The following ZDHHC14 variants were observed in gnomAD, a reference collection of about 807,000 sequenced individuals.
ZDHHC14 encodes zDHHC palmitoyltransferase 14, also known as palmitoyltransferase ZDHHC14.
Under a neutral mutation model 47.7 loss-of-function variants are expected in ZDHHC14, and 16 were observed. The ratio of observed to expected loss-of-function variants is 0.34; its 90% CI spans 0.23 to 0.51. The LOEUF is 0.51. ZDHHC14 is among the 20% of genes least tolerant of loss of function. The pLI is 0.97. For missense variants in ZDHHC14, 515 were observed against 662.5 expected (o/e 0.78, Z 2.44); for synonymous variants, 293 against 278.9 (o/e 1.05, Z -0.50).
In ZDHHC14 at chr6:157,463,002, T is replaced by C. The variant is rs144131068; in HGVS notation, c.246-79583T>C. Reference sequence around the variant, plus strand: ...ACCAATAAAATTTCCTAAAAGTGCATAAAGATAATTGTAGCTAGGAGTCAG... The same window carrying C: ...ACCAATAAAATTTCCTAAAAGTGCACAAAGATAATTGTAGCTAGGAGTCAG... On this transcript the variant is annotated intron_variant, in intron 1 of 8. Transcript: ENST00000359775. The surrounding 1 kb of genome is among the most constrained non-coding windows in gnomAD (Gnocchi z 4.4). 8.4e-3 allele frequency among the ~76,000 whole-genome samples: 1,280 copies of C among 152,306 alleles called. 6 individuals carry two copies. Among genetic ancestry groups the C allele is most frequent in the Middle Eastern group, 0.027 (8 of 294 alleles).
intron 1 of ZDHHC14, among the ~76,000 whole-genome samples, chr6:157,416,446 T>G (rs1777972944): frequency 6.6e-6 from 1 of 151,852 alleles, no homozygotes; most frequent in Non-Finnish European, 1.5e-5. Context: ...GAGGATTGCT[T>G]AAGTTCAAGA....
At chr6:157,635,943 T>C (rs1776950994) in intron 5 of ZDHHC14, among the ~76,000 whole-genome samples, 1 of 152,206 alleles carries the variant, frequency 6.6e-6, no homozygotes, top group African/African-American at 2.4e-5. Flanking sequence ...AGCCGCTGCC[T>C]TTCCAAATAG....
At chr6:157,429,017 T>A (rs1161219798) in intron 1 of ZDHHC14, among the ~76,000 whole-genome samples, 1 of 152,124 alleles carries the variant, frequency 6.6e-6, no homozygotes, top group African/African-American at 2.4e-5. Flanking sequence ...GATGAGTGAT[T>A]TTATCATTGA....
intron 2 of ZDHHC14, among the ~76,000 whole-genome samples, chr6:157,578,218 C>G (rs948666852): frequency 6.6e-6 from 1 of 152,142 alleles, no homozygotes; most frequent in Non-Finnish European, 1.5e-5. Context: ...TTGTCAATTT[C>G]TGTTTTTGTT....
chr6:157,385,084 C>G (rs1180647557), intron 1 of ZDHHC14, among the ~76,000 whole-genome samples: 1 of 152,082 alleles, frequency 6.6e-6, no homozygotes, highest in African/African-American at 2.4e-5. Flanking sequence ...ACCTGGCCAT[C>G]ATGTCTAGAT....
At chr6:157,482,209 G>C (rs899266602) in intron 1 of ZDHHC14, among the ~76,000 whole-genome samples, 1 of 151,644 alleles carries the variant, frequency 6.6e-6, no homozygotes, top group Non-Finnish European at 1.5e-5. Flanking sequence ...TGTTTGGTTT[G>C]AATGCCTGTA....
intron 2 of ZDHHC14, among the ~76,000 whole-genome samples, chr6:157,544,258 G>T (rs1312966278): frequency 6.6e-6 from 1 of 152,232 alleles, no homozygotes; most frequent in Non-Finnish European, 1.5e-5. Flanking sequence ...CCATACTGGG[G>T]GTGATGCAGT....
At chr6:157,410,506 T>C (rs760633421) in intron 1 of ZDHHC14, among the ~76,000 whole-genome samples, 1 of 152,174 alleles carries the variant, frequency 6.6e-6, no homozygotes, top group Non-Finnish European at 1.5e-5. Flanking sequence ...CAAGAACAAC[T>C]CATTACCAAC....
intron 1 of ZDHHC14, among the ~76,000 whole-genome samples, chr6:157,384,608 A>G (rs2114728440): frequency 6.6e-6 from 1 of 152,382 alleles, no homozygotes; most frequent in South Asian, 2.1e-4. Context: ...CAAGAAAACA[A>G]GAGGCCCATC....
At chr6:157,601,522 T>C (rs1304017168) in intron 3 of ZDHHC14, among the ~76,000 whole-genome samples, 4 of 152,218 alleles carry the variant, frequency 2.6e-5, no homozygotes, top group African/African-American at 9.6e-5. Context: ...TAGCATACTA[T>C]GTATCAGTTA....
At chr6:157,516,940 T>C (rs999727506) in intron 1 of ZDHHC14, among the ~76,000 whole-genome samples, 2 of 152,190 alleles carry the variant, frequency 1.3e-5, no homozygotes, top group Non-Finnish European at 2.9e-5. Context: ...AGGGCACAGA[T>C]TTTTTTATTG....
chr6:157,383,205 T>C (rs182654801), intron 1 of ZDHHC14, among the ~76,000 whole-genome samples: 20 of 152,364 alleles, frequency 1.3e-4, no homozygotes, highest in Admixed American at 1.0e-3. Flanking sequence ...GTTGCTTTTT[T>C]TGCATCCAAC....
At chr6:157,626,643 G>T (rs1297726910) in intron 3 of ZDHHC14, among the ~76,000 whole-genome samples, 1 of 152,086 alleles carries the variant, frequency 6.6e-6, no homozygotes, top group Non-Finnish European at 1.5e-5. Context: ...GATAAATTTG[G>T]CAGGATTGAT....
At position 157,427,018 on chromosome 6, in the gene ZDHHC14, G is replaced by A. The variant is rs111953599; in HGVS notation, c.245+44752G>A. 6.6e-6 allele frequency among the ~76,000 whole-genome samples: 1 copy of A among 152,186 alleles called. No homozygotes were observed. Among genetic ancestry groups the A allele is most frequent in the Non-Finnish European group, 1.5e-5 (1 of 68,026 alleles). ...AGATAGTGTCTGGAGGAGAAGGTAG[G>A]TGAGGAATCGGTCTAGAGGAAAAGG... On this transcript the variant is annotated intron_variant, in intron 1 of 8. Coordinates refer to ENST00000359775, the MANE Select transcript of ZDHHC14 (RefSeq NM_024630.3). The surrounding 1 kb of genome is among the most constrained non-coding windows in gnomAD (Gnocchi z 4.4).
At chr6:157,615,820 T>A (rs529226323) in intron 3 of ZDHHC14, among the ~76,000 whole-genome samples, 1 of 152,304 alleles carries the variant, frequency 6.6e-6, no homozygotes, top group South Asian at 2.1e-4. Flanking sequence ...TTGTTTTGGT[T>A]GTTATAAGCA....
intron 1 of ZDHHC14, among the ~76,000 whole-genome samples, chr6:157,524,260 G>C (rs759279473): frequency 6.6e-6 from 1 of 151,804 alleles, no homozygotes. Context: ...TCTTGAGTAC[G>C]GTACCTGGGA....
In ZDHHC14 at chr6:157,673,134, C is replaced by T. The variant is rs1778887175; in HGVS notation, c.*12C>T. 6.4e-7 allele frequency: 1 copy of T among 1,561,792 alleles called. No homozygotes were observed. The highest frequency in any genetic ancestry group is 8.6e-7 in the Non-Finnish European group (1 of 1,163,316). On this transcript the variant is annotated 3_prime_UTR_variant, in exon 9 of 9. Coordinates refer to ENST00000359775, the MANE Select transcript of ZDHHC14 (RefSeq NM_024630.3). This position sits in a 1 kb window ranked among gnomAD's most constrained non-coding sequence, Gnocchi z 5.4. ...TCAGCTCCGTGTGACCCACATGGCC[C>T]CAGGCCGGGGGACACCAGAGGCTCC...
chr6:157,419,468 C>T (rs544254757), intron 1 of ZDHHC14, among the ~76,000 whole-genome samples: 33 of 152,218 alleles, frequency 2.2e-4, no homozygotes, highest in Non-Finnish European at 4.6e-4. Flanking sequence ...TACACCCTCC[C>T]CATCCTCTGC....
chr6:157,440,725 A>G (rs547418539), intron 1 of ZDHHC14, among the ~76,000 whole-genome samples: 1 of 152,388 alleles, frequency 6.6e-6, no homozygotes, highest in South Asian at 2.1e-4. Flanking sequence ...TTACTCAGCT[A>G]TAAAAAAGGA....
Sources: allele counts gnomAD v4.1 joint callset (sites outside exome capture counted in the v4.1 genomes callset), GRCh38; gene constraint gnomAD v4.1.1; non-coding constraint Gnocchi (gnomAD v3.1); transcripts MANE v1.5; gene names NCBI Gene and HGNC (gene_info 2026-07-23, HGNC 2026-07-21).